Variants in TMLHE observed in about 807,000 individuals in gnomAD.
The protein encoded by TMLHE is trimethyllysine dioxygenase, mitochondrial.
A neutral mutation model predicts 25.7 loss-of-function variants in TMLHE; 18 were observed. The ratio of observed to expected loss-of-function variants is 0.70; its 90% CI spans 0.48 to 1.04. The LOEUF (loss-of-function observed/expected upper bound fraction) is 1.04. Ranked by LOEUF, TMLHE falls within the 50% of genes least tolerant of loss-of-function variation. The pLI is 0.00. For synonymous variants in TMLHE, 105 were observed against 97.0 expected (o/e 1.08, Z -0.49); for missense variants, 236 against 259.0 (o/e 0.91, Z 0.61).
chrX:155,510,554 C>T (rs1169220321), intron 5 of TMLHE, among the ~76,000 whole-genome samples: 1 of 108,979 alleles, frequency 9.2e-6, no homozygotes, highest in Admixed American at 9.9e-5. Context: ...CCAGCTCCAT[C>T]CATGTCCCTA....
Position 155,513,605 on chromosome X carries a change from GGTGTGT to G in TMLHE, c.638+375_638+380del, listed in dbSNP as rs781866085. 3.5e-3 allele frequency among the ~76,000 whole-genome samples: 371 copies of G among 106,478 alleles called. 1 individual carries two copies. The highest frequency in any genetic ancestry group is 5.5e-3 in the Non-Finnish European group (280 of 51,088). The allele number at this position is 106,478 out of a possible 115,157, so 92.5% of individuals were successfully genotyped here. A position where few individuals can be genotyped will look rare whatever the true frequency, so the allele number is the denominator to read the frequency against. On this transcript the variant is annotated intron_variant, in intron 4 of 7. Coordinates refer to ENST00000334398, the MANE Select transcript of TMLHE (RefSeq NM_018196.4). The stretch of plus-strand genomic sequence containing the variant: ...AATAGAGGACAGTGGGGGTCGAGGG[GGTGTGT>G]GTGTGTGTGTGTGTGTGTAATGGAC...
intron 1 of TMLHE, among the ~76,000 whole-genome samples, chrX:155,549,474 T>C (rs782539228): frequency 3.6e-5 from 4 of 110,839 alleles, no homozygotes; most frequent in Non-Finnish European, 7.5e-5. Flanking sequence ...ACTTTCTACA[T>C]CTATTATTTT....
chrX:155,543,479 T>C (rs901283574), intron 2 of TMLHE, among the ~76,000 whole-genome samples: 1 of 112,093 alleles, frequency 8.9e-6, no homozygotes, highest in Non-Finnish European at 1.9e-5. Context: ...AGGAGATTAA[T>C]AATCTCTACA....
At chrX:155,560,576 GAGGAGTTAGTCATA>G (rs1387545111) in intron 1 of TMLHE, among the ~76,000 whole-genome samples, 3 of 55,275 alleles carry the variant, frequency 5.4e-5, no homozygotes, top group African/African-American at 7.9e-5. Context: ...TTGATCAAAG[GAGGAGTTAGTCATA>G]AGGATATCTG....
chrX:155,511,704 T>C lies in TMLHE; in HGVS notation c.727A>G (p.Thr243Ala). The change falls in exon 5 of 8, where the codon ACT becomes GCT. Residue 243 changes from threonine to alanine, a missense_variant. Physicochemically the swap from Thr to Ala is moderately conservative, Grantham distance 58. This residue lies in a region of TMLHE where 217 missense variants were observed against 214.6 expected (regional missense o/e 1.01). Coordinates refer to ENST00000334398, the MANE Select transcript of TMLHE (RefSeq NM_018196.4). ...AYTKLALDRHTDTTYFQEPCG... is the reference protein window; with the variant it reads ...AYTKLALDRHADTTYFQEPCG... ...GGCTCTTGAAAATAGGTAGTGTCAGTGTGCCGATCCAGAGCTAGCTTGGTG... is the reference window on the plus strand; with the variant it reads ...GGCTCTTGAAAATAGGTAGTGTCAGCGTGCCGATCCAGAGCTAGCTTGGTG... The C allele has an allele frequency of 8.3e-7, 1 of 1,203,568 alleles. No homozygotes were observed. Among genetic ancestry groups the C allele is most frequent in the Non-Finnish European group, 1.1e-6 (1 of 890,148 alleles).
chrX:155,547,805 C>G (rs1426730771), intron 1 of TMLHE, among the ~76,000 whole-genome samples: 2 of 111,003 alleles, frequency 1.8e-5, no homozygotes, highest in Non-Finnish European at 3.8e-5. Flanking sequence ...AAGCCTCTTT[C>G]TTTCATTATT....
chrX:155,547,053 C>G (rs1461146578), intron 1 of TMLHE, among the ~76,000 whole-genome samples: 1 of 111,467 alleles, frequency 9.0e-6, no homozygotes, highest in African/African-American at 3.3e-5. Context: ...TAATCAAATA[C>G]TCTTCTCCCA....
At chrX:155,593,760 A>C (rs1407781124) in intron 1 of TMLHE, among the ~76,000 whole-genome samples, 2 of 111,839 alleles carry the variant, frequency 1.8e-5, no homozygotes, top group Admixed American at 1.9e-4. Flanking sequence ...TTTAAAAATA[A>C]AAATCTTAGA....
rs782085120 is a variant in TMLHE, at chrX:155,531,810, T to C, written c.182-7178A>G. 7.2e-5 allele frequency among the ~76,000 whole-genome samples: 8 copies of C among 111,482 alleles called. No homozygotes were observed. In the South Asian group the frequency reaches 3.0e-3, roughly 42 times the overall value. ...ACATCTGGGCCAGATAGTCCTTTTG[T>C]CATAGGGACAGGTGTCAGCAGCATC... On this transcript the variant is annotated intron_variant, in intron 2 of 7. Coordinates refer to ENST00000334398, the MANE Select transcript of TMLHE (RefSeq NM_018196.4).
At chrX:155,558,702 T>G (rs1414683768) in intron 1 of TMLHE, among the ~76,000 whole-genome samples, 1 of 111,950 alleles carries the variant, frequency 8.9e-6, no homozygotes, top group African/African-American at 3.2e-5. Context: ...CATCAAAAAA[T>G]TCATCCTTTG....
In TMLHE at chrX:155,545,241, C is replaced by G. The variant is rs2067337272; in HGVS notation, c.36G>C (p.Arg12Ser). 1 of 1,205,728 alleles carries G rather than the reference C, an allele frequency of 8.3e-7. No homozygotes were observed. The highest frequency in any genetic ancestry group is 1.1e-6 in the Non-Finnish European group (1 of 893,261). The stretch of plus-strand genomic sequence containing the variant: ...CTCCTCCCTTCAGCAAGTCCTGAAG[C>G]CTGCTGTGTAGGTGGGACAATCTGT... ...WYHRLSHLHSRLQDLLKGGVI... is the reference protein window; with the variant it reads ...WYHRLSHLHSSLQDLLKGGVI... The change falls in exon 2 of 8, where the codon AGG (arginine) becomes AGC (serine). Residue 12 changes from arginine (R) to serine (S), a missense_variant. Physicochemically the swap from Arg to Ser is moderately radical, Grantham distance 110 (BLOSUM62 -1). Transcript: ENST00000334398.
At position 155,506,758 on chromosome X, in the gene TMLHE, A is replaced by G. The variant is rs781959632; in HGVS notation, c.995+140T>C. 4 of 523,863 alleles carry G rather than the reference A, an allele frequency of 7.6e-6. No homozygotes were observed. In the South Asian group the frequency reaches 1.4e-4, roughly 18 times the overall value. The allele number at this position is 523,863 out of a possible 1,213,427, so 43.2% of individuals were successfully genotyped here. Reference sequence around the variant, plus strand: ...ATTCCATGGGAATTATAAGAAGAATACAAACTGTTTGATAATAAAAAGCTA... The same window carrying G: ...ATTCCATGGGAATTATAAGAAGAATGCAAACTGTTTGATAATAAAAAGCTA... On this transcript the variant is annotated intron_variant, in intron 6 of 7. Transcript: ENST00000334398.
chrX:155,610,954 A>G (rs1468946751), intron 1 of TMLHE, among the ~76,000 whole-genome samples: 3 of 111,636 alleles, frequency 2.7e-5, no homozygotes, highest in African/African-American at 9.8e-5. Flanking sequence ...CTTTGGAGTG[A>G]ATGAACAGAG....
intron 4 of TMLHE, among the ~76,000 whole-genome samples, chrX:155,512,807 G>T (rs1184557080): frequency 2.7e-5 from 3 of 111,808 alleles, no homozygotes; most frequent in Non-Finnish European, 5.6e-5. Context: ...GATAGTTTGT[G>T]TTAGCAAGTA....
chrX:155,589,696 G>C (rs1422060846), intron 1 of TMLHE, among the ~76,000 whole-genome samples: 1 of 111,255 alleles, frequency 9.0e-6, no homozygotes, highest in Non-Finnish European at 1.9e-5. Flanking sequence ...CAGTTGAATA[G>C]AATAAATAAG....
intron 2 of TMLHE, among the ~76,000 whole-genome samples, chrX:155,537,604 T>C (rs2067286530): frequency 9.0e-6 from 1 of 111,186 alleles, no homozygotes; most frequent in Non-Finnish European, 1.9e-5. Flanking sequence ...TTTCACTCTC[T>C]GTCATCTTGT....
At chrX:155,572,566 C>T (rs188155669) in intron 1 of TMLHE, among the ~76,000 whole-genome samples, 3,877 of 56,826 alleles carry the variant, frequency 0.068, 1,185 homozygotes, top group South Asian at 0.13. Flanking sequence ...GGAGGCATCA[C>T]GCTACCTGAC....
At chrX:155,548,638 G>A (rs931304119) in intron 1 of TMLHE, among the ~76,000 whole-genome samples, 6 of 108,665 alleles carry the variant, frequency 5.5e-5, no homozygotes, top group Admixed American at 9.7e-5. Flanking sequence ...AGGAGGCTGA[G>A]GCAGGAGAAT....
chrX:155,524,630 G>A lies in TMLHE; in HGVS notation c.184C>T (p.Leu62=). The A allele has an allele frequency of 8.6e-7, 1 of 1,166,744 alleles. No individual in the cohort carries two copies. The highest frequency in any genetic ancestry group is 1.1e-6 in the Non-Finnish European group (1 of 872,267). Residue 62 remains leucine (L), a splice_region_variant and synonymous_variant, in exon 3 of 8, where the codon CTG becomes TTG. Transcript: ENST00000334398. The part of the protein sequence containing the change: ...AWQQHEDHFE[L]KYANTVMRFD... ...CGCATCACGGTATTAGCATATTTCAGCTCTAGGGAAAAGATCACATTTATC... is the reference window on the plus strand; with the variant it reads ...CGCATCACGGTATTAGCATATTTCAACTCTAGGGAAAAGATCACATTTATC...
Sources: allele counts gnomAD v4.1 joint callset (sites outside exome capture counted in the v4.1 genomes callset), GRCh38; gene constraint gnomAD v4.1.1; regional missense constraint gnomAD v4.1.1; transcripts MANE v1.5; gene names NCBI Gene and HGNC (gene_info 2026-07-23, HGNC 2026-07-21).